CDC42BPG: variants seen among roughly 807,000 people sequenced by gnomAD.
The protein encoded by CDC42BPG is CDC42 binding protein kinase gamma.
CDC42BPG carries 157 observed loss-of-function variants against 192.2 expected under a neutral mutation model. That is an observed-to-expected ratio of 0.82 (90% CI 0.72 to 0.93). The LOEUF is 0.93. Ranked by LOEUF, CDC42BPG falls within the 40% of genes least tolerant of loss-of-function variation. CDC42BPG has a pLI of 0.00. For missense variants in CDC42BPG, 1,992 were observed against 2,122.1 expected (o/e 0.94, Z 1.20); for synonymous variants, 981 against 918.5 (o/e 1.07, Z -1.23).
In CDC42BPG at chr11:64,835,060, C is replaced by A; in HGVS notation, c.2047G>T (p.Asp683Tyr). The A allele has an allele frequency of 6.2e-6, 8 of 1,282,800 alleles. No homozygotes were observed. Among genetic ancestry groups the A allele is most frequent in the African/African-American group, 1.5e-5 (1 of 64,572 alleles). 79.5% of individuals were successfully genotyped at this position (1,282,800 alleles called of 1,614,324 possible). A position where few individuals can be genotyped will look rare whatever the true frequency, so the allele number is the denominator to read the frequency against. ...TESNWEAQLA[D>Y]ILSWVNDEKV... is the part of the protein sequence containing the mutation. ...CCTGGCACCCACCAGCTGAGGATGT[C>A]GGCGAGCTGGGCCTCCCAGTTGCTC... The change falls in exon 17 of 37, where the codon GAC (aspartate) becomes TAC (tyrosine). Residue 683 changes from aspartate to tyrosine, a missense_variant. By Grantham distance (160) the Asp-to-Tyr change is radical. Coordinates refer to ENST00000342711, the MANE Select transcript of CDC42BPG (RefSeq NM_017525.3).
At chr11:64,826,404 C>A in intron 36 of CDC42BPG, 66 bp downstream of exon 36, 1 of 1,116,988 alleles carries the variant, frequency 9.0e-7, no homozygotes, top group South Asian at 1.3e-5. Context: ...CTGTGCAAGG[C>A]CTAGCATAAA....
rs1274528168 is a variant in CDC42BPG, at chr11:64,823,182, G to A, written c.*1291C>T. The stretch of plus-strand genomic sequence containing the variant: ...GCTCACTGCAAGCTCCGCCTCCCGG[G>A]TTCACGCCATTCTCCTGCCTCAGCC... On this transcript the variant is annotated 3_prime_UTR_variant, in exon 37 of 37. Coordinates refer to ENST00000342711, the MANE Select transcript of CDC42BPG (RefSeq NM_017525.3). Among the ~76,000 whole-genome samples the A allele has an allele frequency of 1.3e-5, 2 of 151,788 alleles. No individual in the cohort carries two copies. The highest frequency in any genetic ancestry group is 2.9e-5 in the Non-Finnish European group (2 of 67,898).
Position 64,839,576 on chromosome 11 carries a change from G to A in CDC42BPG, c.582-5C>T, listed in dbSNP as rs1188788031. The stretch of plus-strand genomic sequence containing the variant: ...ACGTTGTCTGGCTTGACATCCCTGG[G>A]GGATGGCAGGCAGGGAGAGTGAGGC... On this transcript the variant is annotated splice_region_variant and splice_polypyrimidine_tract_variant and intron_variant, in intron 5 of 36. Transcript: ENST00000342711. The A allele has an allele frequency of 1.9e-6, 3 of 1,610,128 alleles. No individual in the cohort carries two copies. In the East Asian group the frequency reaches 6.7e-5, roughly 36 times the overall value.
chr11:64,838,685 A>G lies in CDC42BPG; in HGVS notation c.1094T>C (p.Phe365Ser). The change falls in exon 8 of 37, where the codon TTT becomes TCT. Residue 365 changes from phenylalanine (F) to serine (S), a missense_variant. By Grantham distance (155) the Phe-to-Ser change is radical. Coordinates refer to ENST00000342711, the MANE Select transcript of CDC42BPG (RefSeq NM_017525.3). ...GTTGAGGGTGTCGTCATCCACATCAAAGTTGGAGGTGTCCATGGGCCCCCG... is the reference window on the plus strand; with the variant it reads ...GTTGAGGGTGTCGTCATCCACATCAGAGTTGGAGGTGTCCATGGGCCCCCG... ...ELRGPMDTSNFDVDDDTLNHP... is the reference protein window; with the variant it reads ...ELRGPMDTSNSDVDDDTLNHP... 9 of 1,613,166 alleles carry G rather than the reference A, an allele frequency of 5.6e-6. No homozygotes were observed. Among genetic ancestry groups the G allele is most frequent in the Non-Finnish European group, 7.6e-6 (9 of 1,179,978 alleles).
chr11:64,842,113 G>C (rs1318128478), intron 1 of CDC42BPG, among the ~76,000 whole-genome samples: 1 of 152,174 alleles, frequency 6.6e-6, no homozygotes, highest in Non-Finnish European at 1.5e-5. Context: ...GGGCTCAGCT[G>C]ACCGCCTGGT....
intron 8 of CDC42BPG, 71 bp from the exon 9 acceptor site, chr11:64,838,233 CT>C: frequency 7.7e-7 from 1 of 1,296,598 alleles, no homozygotes; most frequent in Non-Finnish European, 1.1e-6. Flanking sequence ...CAGGAGCCCC[CT>C]GGGACCAGGT....
intron 36 of CDC42BPG, 68 bp downstream of exon 36, chr11:64,826,402 G>T: frequency 9.1e-7 from 1 of 1,094,338 alleles, no homozygotes; most frequent in Non-Finnish European, 1.4e-6. Context: ...CACTGTGCAA[G>T]GCCTAGCATA....
intron 33 of CDC42BPG, 47 bp downstream of exon 33, chr11:64,827,231 C>A: frequency 1.2e-6 from 2 of 1,613,158 alleles, no homozygotes; most frequent in African/African-American, 2.7e-5. Flanking sequence ...CGTCCACAAG[C>A]GGAGGCGGCC....
In CDC42BPG at chr11:64,844,626, G is replaced by A; in HGVS notation, c.-57C>T. 4 of 1,211,834 alleles carry A rather than the reference G, an allele frequency of 3.3e-6. No homozygotes were observed. Among genetic ancestry groups the A allele is most frequent in the Non-Finnish European group, 4.1e-6 (4 of 970,544 alleles). 75.1% of individuals were successfully genotyped at this position (1,211,834 alleles called of 1,614,324 possible). On this transcript the variant is annotated 5_prime_UTR_variant, in exon 1 of 37. Coordinates refer to ENST00000342711, the MANE Select transcript of CDC42BPG (RefSeq NM_017525.3). ...AGTCTGGCCGCCCGCATGCCCGCCT[G>A]TCGGGCCGTCCGTCCGCCCAACCGT...
At position 64,841,686 on chromosome 11, in the gene CDC42BPG, T is replaced by A; in HGVS notation, c.300A>T (p.Lys100Asn). The A allele has an allele frequency of 6.2e-7, 1 of 1,613,696 alleles. No individual in the cohort carries two copies. Among genetic ancestry groups the A allele is most frequent in the East Asian group, 2.2e-5 (1 of 44,828 alleles). Residue 100 changes from lysine to asparagine, a missense_variant, in exon 3 of 37, where the codon AAA becomes AAT. Coordinates refer to ENST00000342711, the MANE Select transcript of CDC42BPG (RefSeq NM_017525.3). ...TCAGCATCTCCCACTTGTGCAGCAT[T>A]TTCATGGCAAAAATCTGCCCAGTGT... ...QRDTGQIFAMKMLHKWEMLKR... is the reference protein window; with the variant it reads ...QRDTGQIFAMNMLHKWEMLKR...
chr11:64,837,914 G>A (rs978459664), intron 9 of CDC42BPG, among the ~76,000 whole-genome samples, 169 bp downstream of exon 9: 4 of 152,210 alleles, frequency 2.6e-5, no homozygotes, highest in Non-Finnish European at 5.9e-5. Flanking sequence ...GCAGGACCTG[G>A]GTGTGGCTTC....
At chr11:64,840,784 CT>C (rs1943246464) in intron 3 of CDC42BPG, 136 bp from the exon 4 acceptor site, 2 of 680,986 alleles carry the variant, frequency 2.9e-6, no homozygotes, top group Middle Eastern at 5.1e-4. Flanking sequence ...TGTCCCCTGT[CT>C]GGCTGCGACT....
chr11:64,827,466 G>A, intron 32 of CDC42BPG, 61 bp downstream of exon 32: 1 of 1,604,074 alleles, frequency 6.2e-7, no homozygotes. Context: ...GGCATTCAGG[G>A]CCACACAGCC....
At chr11:64,831,250 T>A (rs1264758027) in intron 28 of CDC42BPG, among the ~76,000 whole-genome samples, 7 of 149,800 alleles carry the variant, frequency 4.7e-5, no homozygotes, top group Non-Finnish European at 1.0e-4. Flanking sequence ...AAAGCCTTTG[T>A]TCCTTCCACT....
intron 27 of CDC42BPG, among the ~76,000 whole-genome samples, chr11:64,831,947 A>G (rs626884): frequency 1 from 152,030 of 152,386 alleles, 75,838 homozygotes; most frequent in Non-Finnish European, 1. Context: ...GGGGCCGGGA[A>G]GTGAAGGATG....
chr11:64,840,035 A>T, intron 5 of CDC42BPG, 85 bp downstream of exon 5: 1 of 1,351,044 alleles, frequency 7.4e-7, no homozygotes, highest in Non-Finnish European at 1.0e-6. Context: ...ATGAGTGCTC[A>T]GCTGACATCA....
chr11:64,826,929 G>A (rs890773660), intron 34 of CDC42BPG, 121 bp downstream of exon 34: 7 of 1,171,084 alleles, frequency 6.0e-6, no homozygotes, highest in Middle Eastern at 2.9e-4. Context: ...GGTAGCAGAA[G>A]TGTGAGTCCC....
intron 28 of CDC42BPG, 137 bp downstream of exon 28, chr11:64,831,368 G>A: frequency 2.6e-6 from 2 of 757,168 alleles, no homozygotes; most frequent in Non-Finnish European, 4.2e-6. Flanking sequence ...GGAGGCTGGA[G>A]CACATACGTG....
intron 36 of CDC42BPG, among the ~76,000 whole-genome samples, chr11:64,825,840 C>A (rs529292423): frequency 2.6e-5 from 4 of 152,010 alleles, no homozygotes; most frequent in Admixed American, 2.6e-4. Flanking sequence ...CCAAGGTGGG[C>A]GGATCACTTG....
Sources: allele counts gnomAD v4.1 joint callset (sites outside exome capture counted in the v4.1 genomes callset), GRCh38; gene constraint gnomAD v4.1.1; transcripts MANE v1.5; gene names NCBI Gene and HGNC (gene_info 2026-07-23, HGNC 2026-07-21).